Variants in ARHGAP44 observed in about 807,000 individuals in gnomAD.
ARHGAP44 encodes Rho GTPase activating protein 44, also known as rho GTPase-activating protein 44.
Under a neutral mutation model 106.8 loss-of-function variants are expected in ARHGAP44, and 43 were observed. The ratio of observed to expected loss-of-function variants is 0.40; its 90% CI spans 0.32 to 0.52. ARHGAP44 has a LOEUF of 0.52. Among genes scored for constraint, ARHGAP44 ranks in the 20% least tolerant of loss-of-function variants. The pLI is 0.48. For synonymous variants in ARHGAP44, 439 were observed against 410.3 expected (o/e 1.07, Z -0.85); for missense variants, 866 against 1,050.5 (o/e 0.82, Z 2.43).
In ARHGAP44 at chr17:12,921,987, C is replaced by T. The variant is rs562301428; in HGVS notation, c.464+2156C>T. Reference sequence around the variant, plus strand: ...TTTGGTTAACTTACTTGTCCCCAAACCCTCAGTCCACCTGAATGATTTTTG... The same window carrying T: ...TTTGGTTAACTTACTTGTCCCCAAATCCTCAGTCCACCTGAATGATTTTTG... On this transcript the variant is annotated intron_variant, in intron 6 of 20. Transcript: ENST00000379672. Among the ~76,000 whole-genome samples the T allele has an allele frequency of 1.2e-3, 184 of 152,266 alleles. 4 individuals carry two copies. The highest frequency in any genetic ancestry group is 1.4e-3 in the Non-Finnish European group (97 of 68,006).
chr17:12,952,358 C>T (rs943163296), intron 12 of ARHGAP44, 143 bp from the exon 13 acceptor site: 8 of 696,700 alleles, frequency 1.1e-5, no homozygotes, highest in African/African-American at 1.8e-5. Flanking sequence ...TAAATAATAA[C>T]AACCAAATTT....
At chr17:12,870,005 C>CT (rs990604908) in intron 1 of ARHGAP44, among the ~76,000 whole-genome samples, 6 of 144,738 alleles carry the variant, frequency 4.1e-5, no homozygotes, top group Non-Finnish European at 6.0e-5. Flanking sequence ...GCTCTGATTA[C>CT]TTTTTTTTCC....
intron 1 of ARHGAP44, among the ~76,000 whole-genome samples, chr17:12,799,083 G>T (rs9303061): frequency 3.3e-5 from 5 of 152,070 alleles, no homozygotes; most frequent in Admixed American, 1.3e-4. Flanking sequence ...TCCCTACCCC[G>T]GTCAGTAATT....
chr17:12,968,026 A>G (rs2039434836), intron 16 of ARHGAP44, among the ~76,000 whole-genome samples: 1 of 152,248 alleles, frequency 6.6e-6, no homozygotes, highest in Non-Finnish European at 1.5e-5. Flanking sequence ...GACTTGAATC[A>G]TTCTGAGCAT....
chr17:12,837,755 T>C (rs560452141), intron 1 of ARHGAP44, among the ~76,000 whole-genome samples: 54 of 152,202 alleles, frequency 3.5e-4, no homozygotes, highest in African/African-American at 1.2e-3. Flanking sequence ...ATCATTAGAA[T>C]GAGTGAACCT....
At chr17:12,830,726 C>T (rs555553189) in intron 1 of ARHGAP44, among the ~76,000 whole-genome samples, 18 of 150,206 alleles carry the variant, frequency 1.2e-4, no homozygotes, top group South Asian at 4.2e-4. Flanking sequence ...AAACAAAAAC[C>T]GAAGAAATAT....
At chr17:12,973,134 G>C (rs2039571372) in intron 16 of ARHGAP44, 168 bp from the exon 17 acceptor site, 1 of 654,818 alleles carries the variant, frequency 1.5e-6, no homozygotes, top group Admixed American at 2.9e-5. Flanking sequence ...AAATAGGAGA[G>C]TCACTTTAGA....
At chr17:12,798,224 T>C (rs1041124657) in intron 1 of ARHGAP44, among the ~76,000 whole-genome samples, 2 of 152,212 alleles carry the variant, frequency 1.3e-5, no homozygotes, top group Non-Finnish European at 2.9e-5. Flanking sequence ...CTAGGACTTA[T>C]AGAACAATGT....
chr17:12,879,474 G>T (rs1011364288), intron 1 of ARHGAP44, among the ~76,000 whole-genome samples: 1 of 152,056 alleles, frequency 6.6e-6, no homozygotes, highest in African/African-American at 2.4e-5. Flanking sequence ...TTTCCTCTGA[G>T]TAGATACCCA....
At chr17:12,982,420 G>A (rs1047396144) in intron 19 of ARHGAP44, among the ~76,000 whole-genome samples, 11 of 151,754 alleles carry the variant, frequency 7.2e-5, no homozygotes, top group Non-Finnish European at 1.2e-4. Context: ...CACAGACATG[G>A]TGATGCATCC....
chr17:12,852,697 A>G (rs747168346), intron 1 of ARHGAP44, among the ~76,000 whole-genome samples: 1 of 151,800 alleles, frequency 6.6e-6, no homozygotes, highest in African/African-American at 2.4e-5. Flanking sequence ...GCCTGCCACC[A>G]CGCCCGGCTA....
At chr17:12,944,660 T>TC (rs1040733906) in intron 10 of ARHGAP44, among the ~76,000 whole-genome samples, 1 of 150,930 alleles carries the variant, frequency 6.6e-6, no homozygotes, top group African/African-American at 2.4e-5. Context: ...TAATTTTTTT[T>TC]TTTTTTTTTT....
rs925979714 is a variant in ARHGAP44 at position 12,958,421 on chromosome 17, A to T, written c.1343-296A>T. On this transcript the variant is annotated intron_variant, in intron 15 of 20. Transcript: ENST00000379672. This position sits in a 1 kb window ranked among gnomAD's most constrained non-coding sequence, Gnocchi z 4.1. ...CAGCTGTCGGCTTTCAGTCTTAAGC[A>T]TGAGGTTTTAGAAAGATGATTTCAT... Among the ~76,000 whole-genome samples the T allele has an allele frequency of 6.6e-6, 1 of 152,088 alleles. No homozygotes were observed. Among genetic ancestry groups the T allele is most frequent in the African/African-American group, 2.4e-5 (1 of 41,412 alleles).
chr17:12,915,793 A>G (rs534352079), intron 4 of ARHGAP44, 107 bp from the exon 5 acceptor site: 3 of 931,230 alleles, frequency 3.2e-6, no homozygotes, highest in East Asian at 2.7e-5. Context: ...GCTTATTAAC[A>G]CTGACTTGTG....
At chr17:12,818,080 C>T (rs1274811312) in intron 1 of ARHGAP44, among the ~76,000 whole-genome samples, 3 of 151,826 alleles carry the variant, frequency 2.0e-5, no homozygotes, top group Non-Finnish European at 4.4e-5. Context: ...TCCTCATGAA[C>T]ACAGATGTAA....
At chr17:12,938,594 A>AAAC (rs1567697691) in intron 7 of ARHGAP44, among the ~76,000 whole-genome samples, 2 of 151,540 alleles carry the variant, frequency 1.3e-5, no homozygotes, top group Non-Finnish European at 2.9e-5. Flanking sequence ...AAAAAAAAAA[A>AAAC]AAAAAAAAAC....
At chr17:12,943,990 G>A in intron 9 of ARHGAP44, 79 bp from the exon 10 acceptor site, 1 of 1,467,076 alleles carries the variant, frequency 6.8e-7, no homozygotes, top group Non-Finnish European at 9.1e-7. Flanking sequence ...GGAGAATCTG[G>A]ACAACAAAGG....
intron 6 of ARHGAP44, among the ~76,000 whole-genome samples, chr17:12,922,149 G>C (rs1451825203): frequency 6.6e-6 from 1 of 152,192 alleles, no homozygotes; most frequent in Admixed American, 6.5e-5. Flanking sequence ...GCATAAAAGT[G>C]AACAGATGAA....
At chr17:12,940,994 A>G (rs2038691424) in intron 7 of ARHGAP44, 62 bp from the exon 8 acceptor site, 1 of 1,425,644 alleles carries the variant, frequency 7.0e-7, no homozygotes, top group African/African-American at 1.4e-5. Flanking sequence ...GTGTTGACTT[A>G]TGCATTAGCC....
Sources: allele counts gnomAD v4.1 joint callset (sites outside exome capture counted in the v4.1 genomes callset), GRCh38; gene constraint gnomAD v4.1.1; non-coding constraint Gnocchi (gnomAD v3.1); transcripts MANE v1.5; gene names NCBI Gene and HGNC (gene_info 2026-07-23, HGNC 2026-07-21).